Variants in MRPL35 observed in about 807,000 individuals in gnomAD.
MRPL35 encodes the protein mitochondrial ribosomal protein L35.
In MRPL35, 18 loss-of-function variants were observed where a neutral mutation model predicts 21.6. That is an observed-to-expected ratio of 0.83 (90% CI 0.58 to 1.24). The LOEUF (loss-of-function observed/expected upper bound fraction) is 1.24. Among genes scored for constraint, MRPL35 ranks in the 50% most tolerant of loss-of-function variants. The pLI, the probability that MRPL35 is intolerant of heterozygous loss-of-function variation, is 0.00. For synonymous variants in MRPL35, 87 were observed against 86.9 expected, an observed-to-expected ratio of 1.00 and a Z score of -0.01; for missense variants, 223 against 223.2, an observed-to-expected ratio of 1.00 and a Z score of 0.01.
chr2:86,206,661 C>T (rs1673800097), intron 2 of MRPL35, among the ~76,000 whole-genome samples: 1 of 152,178 alleles, frequency 6.6e-6, no homozygotes, highest in Admixed American at 6.5e-5. Context: ...TGACTGACAT[C>T]CATGTATCTA....
At chr2:86,203,010 T>C (rs1673718963) in intron 1 of MRPL35, among the ~76,000 whole-genome samples, 1 of 151,816 alleles carries the variant, frequency 6.6e-6, no homozygotes, top group Admixed American at 6.6e-5. Context: ...GGCCACATAT[T>C]AATATACAGG....
At position 86,210,805 on chromosome 2, in the gene MRPL35, G is replaced by T; in HGVS notation, c.*137G>T. 7.5e-7 allele frequency: 1 copy of T among 1,335,528 alleles called. No individual in the cohort carries two copies. 82.7% of individuals were successfully genotyped at this position (1,335,528 alleles called of 1,614,324 possible). ...ACATACAGTGACAACATTAAACTTA[G>T]AAAAGTTTTAAAACTTAATGGATCA... On this transcript the variant is annotated 3_prime_UTR_variant, in exon 4 of 4. Coordinates refer to ENST00000337109, the MANE Select transcript of MRPL35 (RefSeq NM_016622.4).
chr2:86,204,173 G>A (rs1169716903), intron 1 of MRPL35, among the ~76,000 whole-genome samples: 4 of 151,916 alleles, frequency 2.6e-5, no homozygotes, highest in East Asian at 3.9e-4. Flanking sequence ...CAGTAGAGAC[G>A]GGGTTTCTCC....
At chr2:86,205,316 A>G (rs1270958370) in intron 1 of MRPL35, among the ~76,000 whole-genome samples, 2 of 152,224 alleles carry the variant, frequency 1.3e-5, no homozygotes, top group Non-Finnish European at 2.9e-5. Context: ...AAAGAAAGTC[A>G]TAAGAAAAGA....
Position 86,212,606 on chromosome 2 carries a change from C to T in MRPL35, c.*1938C>T. On this transcript the variant is annotated 3_prime_UTR_variant, in exon 4 of 4. Transcript: ENST00000337109. The stretch of plus-strand genomic sequence containing the variant: ...ATATGGATGACAAGGGTCTCTGTTA[C>T]AGGGGCCTCAGAGCACCTTCGTTTC... 7.1e-7 allele frequency: 1 copy of T among 1,418,404 alleles called. No homozygotes were observed. 87.9% of individuals were successfully genotyped at this position (1,418,404 alleles called of 1,614,324 possible).
chr2:86,207,018 A>G (rs1251468943), intron 2 of MRPL35, among the ~76,000 whole-genome samples, 165 bp from the exon 3 acceptor site: 1 of 152,176 alleles, frequency 6.6e-6, no homozygotes, highest in Non-Finnish European at 1.5e-5. Context: ...GATGGTTGCT[A>G]TTCTAATTTA....
In MRPL35 at chr2:86,212,450, C is replaced by T; in HGVS notation, c.*1782C>T. On this transcript the variant is annotated 3_prime_UTR_variant, in exon 4 of 4. Coordinates refer to ENST00000337109, the MANE Select transcript of MRPL35 (RefSeq NM_016622.4). ...GACGGCAAAGCCAACCACTTAGAAG[C>T]CTTCCACATCTTTGTCACCTGCCTG... is the stretch of plus-strand genomic sequence containing the variant. 6.2e-7 allele frequency: 1 copy of T among 1,613,742 alleles called. No homozygotes were observed. Among genetic ancestry groups the T allele is most frequent in the Non-Finnish European group, 8.5e-7 (1 of 1,179,838 alleles).
chr2:86,211,030 T>C lies in MRPL35; in HGVS notation c.*362T>C. 2.0e-6 allele frequency: 2 copies of C among 990,060 alleles called. No homozygotes were observed. The highest frequency in any genetic ancestry group is 2.4e-6 in the Non-Finnish European group (2 of 832,942). The allele number at this position is 990,060 out of a possible 1,614,324, so 61.3% of individuals were successfully genotyped here. A position where few individuals can be genotyped will look rare whatever the true frequency, so the allele number is the denominator to read the frequency against. On this transcript the variant is annotated 3_prime_UTR_variant, in exon 4 of 4. Transcript: ENST00000337109. The stretch of plus-strand genomic sequence containing the variant: ...ATTTCAAGGATATGTGCCAGGGAAT[T>C]CAGGAACCACCTCACCAACCCCATC...
chr2:86,210,414 G>A, intron 3 of MRPL35, 66 bp from the exon 4 acceptor site: 2 of 1,342,794 alleles, frequency 1.5e-6, no homozygotes, highest in South Asian at 1.5e-5. Context: ...TAAACCTTGA[G>A]TTGTGAAGAT....
rs140070780 is a variant in MRPL35 at position 86,210,587 on chromosome 2, G to C, written c.486G>C (p.Thr162=). 1 of 1,613,780 alleles carries C rather than the reference G, an allele frequency of 6.2e-7. No homozygotes were observed. Among genetic ancestry groups the C allele is most frequent in the African/African-American group, 1.3e-5 (1 of 74,914 alleles). ...AGAGTAAACTCTTAGATAAAATGAC[G>C]ACGTCCTTCTGGAAGAGGCGAAACT... is the stretch of plus-strand genomic sequence containing the variant. The part of the protein sequence containing the change: ...KTQSKLLDKM[T]TSFWKRRNWY... Residue 162 remains threonine (T), a synonymous_variant, in exon 4 of 4, where the codon ACG becomes ACC. Transcript: ENST00000337109.
rs866707265 is a variant in MRPL35, at chr2:86,212,203, G to T, written c.*1535G>T. 1.5e-6 allele frequency: 2 copies of T among 1,308,542 alleles called. No individual in the cohort carries two copies. The highest frequency in any genetic ancestry group is 5.3e-4 in the Middle Eastern group (2 of 3,760). 81.1% of individuals were successfully genotyped at this position (1,308,542 alleles called of 1,614,324 possible). On this transcript the variant is annotated 3_prime_UTR_variant, in exon 4 of 4. Coordinates refer to ENST00000337109, the MANE Select transcript of MRPL35 (RefSeq NM_016622.4). ...AAAATTATGAAATTGAAGTTCTGCA[G>T]CATGTCAGGCCAGGATTATTAGGGA...
intron 1 of MRPL35, among the ~76,000 whole-genome samples, chr2:86,202,388 A>G: frequency 6.6e-6 from 1 of 152,250 alleles, no homozygotes; most frequent in East Asian, 1.9e-4. Context: ...CTTTTTGGGA[A>G]AATTGATAAA....
Position 86,201,878 on chromosome 2 carries a change from G to A in MRPL35, c.43+2345G>A, listed in dbSNP as rs187720124. ...TTGATTCATGCCACATAGGGCCATT[G>A]TAATTCCCCAAATGTACATCGTCAC... is the stretch of plus-strand genomic sequence containing the variant. On this transcript the variant is annotated intron_variant, in intron 1 of 3. Transcript: ENST00000337109. Among the ~76,000 whole-genome samples, 289 of 152,248 alleles carry A rather than the reference G, an allele frequency of 1.9e-3. 1 individual carries two copies. The highest frequency in any genetic ancestry group is 5.8e-3 in the South Asian group (28 of 4,826).
intron 1 of MRPL35, among the ~76,000 whole-genome samples, chr2:86,204,468 TTAAGTTC>T (rs752745452): frequency 1.3e-5 from 2 of 149,764 alleles, no homozygotes; most frequent in African/African-American, 2.5e-5. Flanking sequence ...TTTTTATACT[TTAAGTTC>T]TGAGGACATT....
At position 86,210,699 on chromosome 2, in the gene MRPL35, G is replaced by T; in HGVS notation, c.*31G>T. ...AAGTTTCACTTGTTTCTCAGTTATTGGATATGTATCTTTGTGTACATATCT... is the reference window on the plus strand; with the variant it reads ...AAGTTTCACTTGTTTCTCAGTTATTTGATATGTATCTTTGTGTACATATCT... On this transcript the variant is annotated 3_prime_UTR_variant, in exon 4 of 4. Coordinates refer to ENST00000337109, the MANE Select transcript of MRPL35 (RefSeq NM_016622.4). The T allele has an allele frequency of 6.3e-7, 1 of 1,587,926 alleles. No individual in the cohort carries two copies. The highest frequency in any genetic ancestry group is 1.1e-5 in the South Asian group (1 of 87,524).
Position 86,212,777 on chromosome 2 carries a change from A to G in MRPL35, c.*2109A>G. Reference sequence around the variant, plus strand: ...ATACGATTTTTGTTTTGTGGGTAGGAGGGCTTATCATCAACACTGATTTTA... The same window carrying G: ...ATACGATTTTTGTTTTGTGGGTAGGGGGGCTTATCATCAACACTGATTTTA... On this transcript the variant is annotated 3_prime_UTR_variant, in exon 4 of 4. Coordinates refer to ENST00000337109, the MANE Select transcript of MRPL35 (RefSeq NM_016622.4). 1.8e-6 allele frequency: 2 copies of G among 1,089,200 alleles called. No individual in the cohort carries two copies. Among genetic ancestry groups the G allele is most frequent in the Non-Finnish European group, 2.2e-6 (2 of 897,750 alleles). The allele number at this position is 1,089,200 out of a possible 1,614,324, so 67.5% of individuals were successfully genotyped here.
At chr2:86,203,405 C>G (rs980202562) in intron 1 of MRPL35, among the ~76,000 whole-genome samples, 12 of 152,136 alleles carry the variant, frequency 7.9e-5, no homozygotes, top group Non-Finnish European at 1.5e-4. Context: ...AAATTCTTTA[C>G]CCGATCTCAC....
chr2:86,203,416 G>A (rs993115820), intron 1 of MRPL35, among the ~76,000 whole-genome samples: 18 of 152,136 alleles, frequency 1.2e-4, no homozygotes, highest in African/African-American at 3.9e-4. Flanking sequence ...CCGATCTCAC[G>A]TGATCGGTGG....
intron 1 of MRPL35, among the ~76,000 whole-genome samples, chr2:86,204,371 A>G (rs1673747906): frequency 6.8e-6 from 1 of 147,428 alleles, no homozygotes. Flanking sequence ...ATGTTTTTTT[A>G]TTAATTTAGC....
Sources: gnomAD v4.1 joint callset for allele counts (sites outside exome capture counted in the v4.1 genomes callset) on GRCh38, gnomAD v4.1.1 for gene constraint, MANE v1.5 for transcripts, NCBI Gene and HGNC (gene_info 2026-07-23, HGNC 2026-07-21) for gene names.